The following CNTN1 variants were observed in gnomAD, a reference collection of about 807,000 sequenced individuals.
CNTN1 encodes contactin 1.
In CNTN1, 38 loss-of-function variants were observed where a neutral mutation model predicts 126.4. The ratio of observed to expected loss-of-function variants is 0.30; its 90% CI spans 0.23 to 0.39. The LOEUF is 0.39. CNTN1 is among the 10% of genes least tolerant of loss of function. The probability of loss-of-function intolerance (pLI) is 1.00; values close to 1 mark genes in which losing one functional copy is unlikely to be tolerated. For synonymous variants in CNTN1, 413 were observed against 422.6 expected, an observed-to-expected ratio of 0.98 and a Z score of 0.28; for missense variants, 1,009 against 1,248.4, an observed-to-expected ratio of 0.81 and a Z score of 2.89.
intron 17 of CNTN1, among the ~76,000 whole-genome samples, chr12:40,996,012 C>A (rs115886049): frequency 0.019 from 2,874 of 152,250 alleles, 99 homozygotes; most frequent in African/African-American, 0.062. Context: ...AAAGGCTTTG[C>A]TCCTAAACCA....
At chr12:40,829,146 C>T (rs1432282981) in intron 1 of CNTN1, among the ~76,000 whole-genome samples, 1 of 151,812 alleles carries the variant, frequency 6.6e-6, no homozygotes, top group Non-Finnish European at 1.5e-5. Flanking sequence ...TGATTAATTC[C>T]TGAACATTTC....
chr12:40,850,378 T>A (rs1942673669), intron 1 of CNTN1, among the ~76,000 whole-genome samples: 1 of 152,310 alleles, frequency 6.6e-6, no homozygotes, highest in East Asian at 1.9e-4. Context: ...TTCATTACTT[T>A]TCAGCCATTA....
chr12:40,777,766 A>G (rs1271233760), intron 1 of CNTN1, among the ~76,000 whole-genome samples: 1 of 151,820 alleles, frequency 6.6e-6, no homozygotes, highest in Admixed American at 6.6e-5. Flanking sequence ...CCCCGGTCCA[A>G]CTGTTTAGTA....
intron 1 of CNTN1, among the ~76,000 whole-genome samples, chr12:40,864,598 C>A (rs1290193780): frequency 6.7e-6 from 1 of 149,338 alleles, no homozygotes; most frequent in Non-Finnish European, 1.5e-5. Flanking sequence ...TGATTTCATA[C>A]CTTTTGTGAA....
chr12:40,963,688 A>G (rs1217828801), intron 15 of CNTN1, among the ~76,000 whole-genome samples: 1 of 152,132 alleles, frequency 6.6e-6, no homozygotes, highest in African/African-American at 2.4e-5. Context: ...GGCTTCTGGT[A>G]TAAAAGTCTA....
At chr12:40,963,875 G>C (rs1175365628) in intron 15 of CNTN1, among the ~76,000 whole-genome samples, 1 of 152,072 alleles carries the variant, frequency 6.6e-6, no homozygotes, top group Non-Finnish European at 1.5e-5. Flanking sequence ...CTAAAAGAGT[G>C]TCATTTAGAG....
At chr12:40,703,659 T>C (rs559290703) in intron 1 of CNTN1, among the ~76,000 whole-genome samples, 18 of 152,348 alleles carry the variant, frequency 1.2e-4, no homozygotes, top group Admixed American at 8.5e-4. Flanking sequence ...TGTTCTTCAG[T>C]GAGAAGAGTT....
intron 1 of CNTN1, among the ~76,000 whole-genome samples, chr12:40,764,752 C>A (rs1006326594): frequency 1.3e-5 from 2 of 152,194 alleles, no homozygotes; most frequent in Admixed American, 6.5e-5. Context: ...GAAGGAACAA[C>A]CATATGCTTA....
At chr12:40,863,955 TCTTCTCCTTCTCCTCCTTCTC>T (rs1943206489) in intron 1 of CNTN1, among the ~76,000 whole-genome samples, 1 of 83,922 alleles carries the variant, frequency 1.2e-5, no homozygotes, top group South Asian at 3.7e-4. Flanking sequence ...TCCCTCCCTC[TCTTCTCCTTCTCCTCCTTCTC>T]CTTCTCCTTC....
chr12:40,848,439 C>T (rs1266614447), intron 1 of CNTN1, among the ~76,000 whole-genome samples: 1 of 152,038 alleles, frequency 6.6e-6, no homozygotes. Context: ...TAAGCTGTCA[C>T]AATTTTTTTG....
At chr12:40,991,408 A>G (rs1351757558) in intron 16 of CNTN1, among the ~76,000 whole-genome samples, 3 of 151,018 alleles carry the variant, frequency 2.0e-5, no homozygotes, top group Non-Finnish European at 4.4e-5. Context: ...TTTTTTCCAT[A>G]TAAGATAACA....
rs575150656 is a variant in CNTN1, at chr12:40,763,547, G to A, written c.-77+70955G>A. On this transcript the variant is annotated intron_variant, in intron 1 of 23. Transcript: ENST00000551295. ...ACACATTGTATTAGGAAAATGGAAAGAATGTCACTGTGGCTAGTGTACAGA... is the reference window on the plus strand; with the variant it reads ...ACACATTGTATTAGGAAAATGGAAAAAATGTCACTGTGGCTAGTGTACAGA... 1.1e-4 allele frequency among the ~76,000 whole-genome samples: 17 copies of A among 152,256 alleles called. No homozygotes were observed. In the South Asian group the frequency reaches 3.5e-3, roughly 32 times the overall value.
intron 1 of CNTN1, among the ~76,000 whole-genome samples, chr12:40,902,067 G>A (rs529390744): frequency 6.6e-6 from 1 of 152,234 alleles, no homozygotes; most frequent in African/African-American, 2.4e-5. Context: ...GTATTTCATT[G>A]TATAGTATCC....
chr12:40,891,383 A>G (rs1436321458), intron 1 of CNTN1, among the ~76,000 whole-genome samples: 1 of 152,092 alleles, frequency 6.6e-6, no homozygotes. Context: ...CTGCTTTGCA[A>G]TTCTGGTTTT....
intron 1 of CNTN1, among the ~76,000 whole-genome samples, chr12:40,693,071 C>T (rs1391792619): frequency 1.3e-5 from 2 of 152,200 alleles, no homozygotes; most frequent in African/African-American, 2.4e-5. Context: ...AACCTGGGAG[C>T]GGTTGCGGAG....
chr12:40,898,130 T>C (rs1274009880), intron 1 of CNTN1, among the ~76,000 whole-genome samples: 1 of 152,148 alleles, frequency 6.6e-6, no homozygotes, highest in African/African-American at 2.4e-5. Context: ...CAGATTTTAA[T>C]GGAGTATCTT....
intron 1 of CNTN1, among the ~76,000 whole-genome samples, chr12:40,698,120 G>T (rs560398743): frequency 6.4e-4 from 97 of 152,132 alleles, no homozygotes; most frequent in Non-Finnish European, 1.1e-3. Context: ...TTTATGAGAG[G>T]CAGGTTTGCC....
intron 23 of CNTN1, among the ~76,000 whole-genome samples, chr12:41,048,553 T>C (rs1277713396): frequency 1.3e-5 from 2 of 152,164 alleles, no homozygotes; most frequent in Admixed American, 6.6e-5. Context: ...TTCAAGAATA[T>C]TGCTTCAACT....
intron 3 of CNTN1, among the ~76,000 whole-genome samples, chr12:40,916,668 A>C (rs1442180): frequency 0.25 from 38,536 of 151,924 alleles, 5,300 homozygotes; most frequent in Middle Eastern, 0.34. Flanking sequence ...CTACAACACA[A>C]CTTTCAAAAT....
Sources: allele counts gnomAD v4.1 joint callset (sites outside exome capture counted in the v4.1 genomes callset), GRCh38; gene constraint gnomAD v4.1.1; transcripts MANE v1.5; gene names NCBI Gene and HGNC (gene_info 2026-07-23, HGNC 2026-07-21).